The following PLXNA1 variants were observed in gnomAD, a reference collection of about 807,000 sequenced individuals.
PLXNA1 encodes the protein plexin-A1.
PLXNA1 carries 77 observed loss-of-function variants against 191.7 expected under a neutral mutation model. The observed-to-expected ratio is 0.40, with a 90% confidence interval of 0.33 to 0.49. PLXNA1 has a LOEUF of 0.49. PLXNA1 is among the 20% of genes least tolerant of loss of function. The pLI is 0.63. For synonymous variants in PLXNA1, 1,137 were observed against 1,156.4 expected (o/e 0.98, Z 0.34); for missense variants, 2,110 against 2,660.2 (o/e 0.79, Z 4.55).
chr3:126,999,941 T>C (rs570186113), intron 3 of PLXNA1, among the ~76,000 whole-genome samples: 1 of 152,134 alleles, frequency 6.6e-6, no homozygotes, highest in South Asian at 2.1e-4. Context: ...CGTGTGCATG[T>C]AGGACAGGTA....
chr3:127,032,581 A>G lies in PLXNA1; in HGVS notation c.5426A>G (p.Tyr1809Cys), dbSNP rs1201614515. The part of the protein sequence containing the change: ...KLLYAKDIPN[Y>C]KSWVERYYAD... ...CTCTACGCCAAGGACATCCCCAACT[A>G]CAAGAGCTGGGTGGAGAGGTAGGTG... Residue 1809 changes from tyrosine (Y) to cysteine (C), a missense_variant, in exon 30 of 32, where the codon TAC becomes TGC. Tyr to Cys is a radical substitution (Grantham distance 194). Transcript: ENST00000393409. 1 of 1,612,102 alleles carries G rather than the reference A, an allele frequency of 6.2e-7. No individual in the cohort carries two copies. Among genetic ancestry groups the G allele is most frequent in the South Asian group, 1.1e-5 (1 of 91,028 alleles).
rs903551729 is a variant in PLXNA1, at chr3:127,034,188, G to T, written c.*171G>T. 8 of 590,634 alleles carry T rather than the reference G, an allele frequency of 1.4e-5. No homozygotes were observed. The highest frequency in any genetic ancestry group is 5.8e-5 in the Admixed American group (2 of 34,364). 36.6% of individuals were successfully genotyped at this position (590,634 alleles called of 1,614,324 possible). A position where few individuals can be genotyped will look rare whatever the true frequency, so the allele number is the denominator to read the frequency against. ...ACCCGGTCGGGTCCCGGCTCTTCCT[G>T]TGTGGAGGTGATGGTACCTGCCACA... On this transcript the variant is annotated 3_prime_UTR_variant, in exon 32 of 32. Coordinates refer to ENST00000393409, the MANE Select transcript of PLXNA1 (RefSeq NM_032242.4).
intron 16 of PLXNA1, 123 bp downstream of exon 16, chr3:127,016,807 C>A: frequency 1.5e-6 from 2 of 1,377,516 alleles, no homozygotes; most frequent in South Asian, 1.3e-5. Flanking sequence ...TGCCGGGAAG[C>A]ACCCCTTGCC....
intron 2 of PLXNA1, 114 bp from the exon 3 acceptor site, chr3:126,991,270 G>A: frequency 1.7e-6 from 2 of 1,167,974 alleles, no homozygotes; most frequent in Non-Finnish European, 2.4e-6. Flanking sequence ...CTCCTCTGGG[G>A]GCTACCCCCA....
At position 126,991,398 on chromosome 3, in the gene PLXNA1, T is replaced by C. The variant is rs2107621271; in HGVS notation, c.1209T>C (p.Asp403=). 1.2e-6 allele frequency: 2 copies of C among 1,612,744 alleles called. No individual in the cohort carries two copies. Among genetic ancestry groups the C allele is most frequent in the Non-Finnish European group, 1.7e-6 (2 of 1,179,852 alleles). ...CCTTCCCACAGCCCCTGCAGATCGATGACGACTTCTGCGGGCAGGACTTCA... is the reference window on the plus strand; with the variant it reads ...CCTTCCCACAGCCCCTGCAGATCGACGACGACTTCTGCGGGCAGGACTTCA... ...LGCINSPLQI[D]DDFCGQDFNQ... The change falls in exon 3 of 32, where the codon GAT becomes GAC. Residue 403 remains aspartate (D), a synonymous_variant. Coordinates refer to ENST00000393409, the MANE Select transcript of PLXNA1 (RefSeq NM_032242.4).
intron 1 of PLXNA1, among the ~76,000 whole-genome samples, chr3:126,984,793 T>A (rs1167318118): frequency 1.3e-5 from 2 of 152,170 alleles, no homozygotes; most frequent in Non-Finnish European, 2.9e-5. Context: ...GTTGCCTGCC[T>A]GTTTTGAGCC....
intron 31 of PLXNA1, 66 bp downstream of exon 31, chr3:127,032,902 C>A: frequency 6.6e-7 from 1 of 1,515,374 alleles, no homozygotes; most frequent in Non-Finnish European, 9.0e-7. Context: ...GAGTCACCTG[C>A]TCTGCCCCGC....
intron 8 of PLXNA1, among the ~76,000 whole-genome samples, chr3:127,007,136 C>T (rs1325857409): frequency 6.6e-6 from 1 of 152,046 alleles, no homozygotes; most frequent in African/African-American, 2.4e-5. Context: ...ACAGGAGAAG[C>T]AGGGTGGTGG....
chr3:127,002,625 A>G (rs2079046577), intron 3 of PLXNA1, among the ~76,000 whole-genome samples: 1 of 152,248 alleles, frequency 6.6e-6, no homozygotes, highest in Non-Finnish European at 1.5e-5. Context: ...CCCTGGACTC[A>G]GAGCTGGGCA....
At position 127,028,980 on chromosome 3, in the gene PLXNA1, C is replaced by T. The variant is rs371747011; in HGVS notation, c.4670-13C>T. On this transcript the variant is annotated splice_polypyrimidine_tract_variant and intron_variant, in intron 25 of 31. Coordinates refer to ENST00000393409, the MANE Select transcript of PLXNA1 (RefSeq NM_032242.4). The stretch of plus-strand genomic sequence containing the variant: ...CCCCAGCGGCCCCACCCTCCAGCTC[C>T]CTCCTCCCCCAGAGTGGCGCCAGGG... 1 of 1,608,664 alleles carries T rather than the reference C, an allele frequency of 6.2e-7. No individual in the cohort carries two copies. The highest frequency in any genetic ancestry group is 1.3e-5 in the African/African-American group (1 of 74,832).
Position 127,034,018 on chromosome 3 carries a change from G to A in PLXNA1, c.*1G>A, listed in dbSNP as rs776733028. 24 of 1,595,790 alleles carry A rather than the reference G, an allele frequency of 1.5e-5. No individual in the cohort carries two copies. Among genetic ancestry groups the A allele is most frequent in the South Asian group, 2.3e-5 (2 of 87,550 alleles). On this transcript the variant is annotated 3_prime_UTR_variant, in exon 32 of 32. Transcript: ENST00000393409. The stretch of plus-strand genomic sequence containing the variant: ...GGACACGATGGCCCTGAGCAGCTGA[G>A]CCCCAGCTGTGATCATCCAGCATGA...
rs142973363 is a variant in PLXNA1 at position 127,035,422 on chromosome 3, C to G, written c.*1405C>G. On this transcript the variant is annotated 3_prime_UTR_variant, in exon 32 of 32. Coordinates refer to ENST00000393409, the MANE Select transcript of PLXNA1 (RefSeq NM_032242.4). ...GTGGAGCAGCCCTGAAGCCTGTGCC[C>G]CCCGACCTGCGGGCCGCTGTTTTGG... The G allele has an allele frequency of 6.6e-6, 1 of 152,260 alleles. No individual in the cohort carries two copies. Among genetic ancestry groups the G allele is most frequent in the Non-Finnish European group, 1.5e-5 (1 of 68,020 alleles). The allele number at this position is 152,260 out of a possible 1,614,324, so 9.4% of individuals were successfully genotyped here. A position where few individuals can be genotyped will look rare whatever the true frequency, so the allele number is the denominator to read the frequency against.
At chr3:126,986,901 C>T (rs1348069048) in intron 1 of PLXNA1, among the ~76,000 whole-genome samples, 18 of 152,204 alleles carry the variant, frequency 1.2e-4, no homozygotes, top group Admixed American at 1.1e-3. Flanking sequence ...CCTCAGCTTC[C>T]CCATCTGTAA....
At chr3:126,986,304 G>T (rs538835846) in intron 1 of PLXNA1, among the ~76,000 whole-genome samples, 1 of 152,342 alleles carries the variant, frequency 6.6e-6, no homozygotes, top group East Asian at 1.9e-4. Context: ...GGGGGCGGGA[G>T]TGGGGACTCC....
rs370474043 is a variant in PLXNA1 at position 127,022,351 on chromosome 3, G to C, written c.4295+10G>C. 2.1e-4 allele frequency: 333 copies of C among 1,603,316 alleles called. 5 individuals carry two copies. The South Asian group carries it at 3.5e-3, about 17-fold the overall frequency. On this transcript the variant is annotated intron_variant, in intron 22 of 31. Transcript: ENST00000393409. ...AGCTGCTACTGCGCCGGTGAGCCTG[G>C]GGGGCACTGGGGTTGGGGGAGGCAG...
At position 126,999,922 on chromosome 3, in the gene PLXNA1, C is replaced by T. The variant is rs536630466; in HGVS notation, c.1378-3408C>T. The stretch of plus-strand genomic sequence containing the variant: ...TCGGTCTCGGCTCCGAGCCCAGGGT[C>T]GACTCGCCCGTGTGCATGTAGGACA... On this transcript the variant is annotated intron_variant, in intron 3 of 31. Coordinates refer to ENST00000393409, the MANE Select transcript of PLXNA1 (RefSeq NM_032242.4). Among the ~76,000 whole-genome samples, 8 of 152,128 alleles carry T rather than the reference C, an allele frequency of 5.3e-5. No homozygotes were observed. In the East Asian group the frequency reaches 1.6e-3, roughly 29 times the overall value.
intron 15 of PLXNA1, 22 bp downstream of exon 15, chr3:127,015,342 G>T (rs1321913537): frequency 6.3e-7 from 1 of 1,587,460 alleles, no homozygotes; most frequent in East Asian, 2.2e-5. Flanking sequence ...AGGTGGGGGT[G>T]GGGGCCTGGC....
Position 127,015,306 on chromosome 3 carries a change from C to T in PLXNA1, c.3000C>T (p.Pro1000=), listed in dbSNP as rs1559961690. Residue 1000 remains proline (P), a synonymous_variant, in exon 15 of 32, where the codon CCC becomes CCT. Transcript: ENST00000393409. ...TGGCTGTGTCGGTCGGTGGCCGGCC[C>T]TGCTCCTTCTCCTGGTACGGGGTGC... ...SDVAVSVGGR[P]CSFSWRNSRE... The T allele has an allele frequency of 6.2e-7, 1 of 1,607,054 alleles. No homozygotes were observed. Among genetic ancestry groups the T allele is most frequent in the Non-Finnish European group, 8.5e-7 (1 of 1,178,500 alleles).
rs768324310 is a variant in PLXNA1, at chr3:127,017,909, G to A, written c.3660+17G>A. 4 of 1,610,838 alleles carry A rather than the reference G, an allele frequency of 2.5e-6. No homozygotes were observed. The highest frequency in any genetic ancestry group is 3.4e-6 in the Non-Finnish European group (4 of 1,179,806). On this transcript the variant is annotated intron_variant, in intron 19 of 31. Transcript: ENST00000393409. ...AAGGTCACGGTGCGTCTGTCCACCG[G>A]GGGTGCAGAGCTGGGAGAGCCATGC... is the stretch of plus-strand genomic sequence containing the variant.
Sources: gnomAD v4.1 joint callset for allele counts (sites outside exome capture counted in the v4.1 genomes callset) on GRCh38, gnomAD v4.1.1 for gene constraint, MANE v1.5 for transcripts, NCBI Gene and HGNC (gene_info 2026-07-23, HGNC 2026-07-21) for gene names.